NAALADL2: variants seen among roughly 807,000 people sequenced by gnomAD.
NAALADL2 encodes N-acetylated alpha-linked acidic dipeptidase like 2, also known as inactive N-acetylated-alpha-linked acidic dipeptidase-like protein 2.
In NAALADL2, 76 loss-of-function variants were observed where a neutral mutation model predicts 87.2. The ratio of observed to expected loss-of-function variants is 0.87; its 90% CI spans 0.72 to 1.05. The LOEUF is 1.05. Among genes scored for constraint, NAALADL2 ranks in the 50% least tolerant of loss-of-function variants. NAALADL2 has a pLI of 0.00. For synonymous variants in NAALADL2, 354 were observed against 331.0 expected (o/e 1.07, Z -0.75); for missense variants, 1,089 against 945.8 (o/e 1.15, Z -1.99).
rs564726167 is a variant in NAALADL2 at position 174,592,105 on chromosome 3, CTGAT to C, written c.-115+41472_-115+41475del. On this transcript the variant is annotated intron_variant, in intron 2 of 3. Coordinates refer to the NAALADL2 transcript ENST00000434257. Reference sequence around the variant, plus strand: ...TAGAACAATTCCCAAGGTAAACTGACTGATTGAGAGATGTTATTCAGTAATTTAT... The same window carrying C: ...TAGAACAATTCCCAAGGTAAACTGACTGAGAGATGTTATTCAGTAATTTAT... Among the ~76,000 whole-genome samples, 7 of 152,020 alleles carry C rather than the reference CTGAT, an allele frequency of 4.6e-5. No individual in the cohort carries two copies. In the East Asian group the frequency reaches 1.4e-3, roughly 29 times the overall value.
At chr3:175,573,998 T>C (rs552289202) in intron 9 of NAALADL2, among the ~76,000 whole-genome samples, 196 of 152,366 alleles carry the variant, frequency 1.3e-3, no homozygotes, top group Admixed American at 2.2e-3. Context: ...AGGTTCATAC[T>C]GGCTTTCCAT....
chr3:174,957,809 G>C (rs1050280857), intron 1 of NAALADL2, among the ~76,000 whole-genome samples: 2 of 152,060 alleles, frequency 1.3e-5, no homozygotes, highest in East Asian at 3.9e-4. Context: ...AAGAAGCTTT[G>C]AGGCTCAGTG....
At chr3:174,732,459 A>G (rs776951026) in intron 2 of NAALADL2, among the ~76,000 whole-genome samples, 1 of 152,152 alleles carries the variant, frequency 6.6e-6, no homozygotes, top group Non-Finnish European at 1.5e-5. Context: ...GTAGAAATCT[A>G]TGGAAATGTT....
In NAALADL2 at chr3:175,458,322, A is replaced by C. The variant is rs576071928; in HGVS notation, c.1235-5079A>C. Reference sequence around the variant, plus strand: ...CATTTGTATGTAAGTATATAAAAATATATCTATACACTCAGATTTATATCT... The same window carrying C: ...CATTTGTATGTAAGTATATAAAAATCTATCTATACACTCAGATTTATATCT... On this transcript the variant is annotated intron_variant, in intron 6 of 13. Transcript: ENST00000454872. Among the ~76,000 whole-genome samples the C allele has an allele frequency of 3.3e-3, 496 of 151,760 alleles. 3 individuals carry two copies. Among genetic ancestry groups the C allele is most frequent in the Non-Finnish European group, 4.9e-3 (330 of 67,874 alleles).
At chr3:175,523,245 G>A (rs1040431552) in intron 9 of NAALADL2, among the ~76,000 whole-genome samples, 13 of 152,212 alleles carry the variant, frequency 8.5e-5, no homozygotes, top group African/African-American at 2.7e-4. Context: ...GAACTGAGGA[G>A]TGGAAGTTAT....
At chr3:174,771,458 G>A (rs975807796) in intron 3 of NAALADL2, among the ~76,000 whole-genome samples, 6 of 152,148 alleles carry the variant, frequency 3.9e-5, no homozygotes, top group Non-Finnish European at 7.3e-5. Flanking sequence ...GATAGGGAGG[G>A]TAATGTGCTG....
chr3:175,332,459 C>T (rs1761512739), intron 5 of NAALADL2, among the ~76,000 whole-genome samples: 1 of 152,144 alleles, frequency 6.6e-6, no homozygotes, highest in Non-Finnish European at 1.5e-5. Context: ...TGCCACCATG[C>T]CTGGCTAATA....
intron 3 of NAALADL2, among the ~76,000 whole-genome samples, chr3:174,828,127 G>A (rs1470837619): frequency 6.6e-6 from 1 of 151,700 alleles, no homozygotes; most frequent in East Asian, 1.9e-4. Flanking sequence ...CTGCTCTCCA[G>A]TCTGGTGACA....
chr3:175,190,847 G>A lies in NAALADL2; in HGVS notation c.546-43084G>A, dbSNP rs113734070. ...AAAAAAATTAGCCGGGCGTGGTGGC[G>A]GGCGCCTGTAGTCCCAGCTACTCGG... On this transcript the variant is annotated intron_variant, in intron 2 of 13. Transcript: ENST00000454872. Among the ~76,000 whole-genome samples the A allele has an allele frequency of 7.3e-3, 1,113 of 151,806 alleles. 15 individuals are homozygous for A. The highest frequency in any genetic ancestry group is 0.024 in the African/African-American group (1,008 of 41,414).
At chr3:175,032,600 G>A (rs1320205706) in intron 1 of NAALADL2, among the ~76,000 whole-genome samples, 1 of 151,634 alleles carries the variant, frequency 6.6e-6, no homozygotes, top group South Asian at 2.1e-4. Context: ...TTTATGCTGT[G>A]CCTTTGCCTT....
chr3:175,043,087 C>T (rs1381664609), intron 1 of NAALADL2, among the ~76,000 whole-genome samples: 1 of 152,158 alleles, frequency 6.6e-6, no homozygotes, highest in African/African-American at 2.4e-5. Flanking sequence ...ACTTTCCAAC[C>T]ATCAGAATCA....
At chr3:175,757,374 C>T (rs185187000) in intron 13 of NAALADL2, among the ~76,000 whole-genome samples, 171 of 152,138 alleles carry the variant, frequency 1.1e-3, no homozygotes, top group African/African-American at 3.9e-3. Context: ...ATTTGGACCA[C>T]GTGAGGTTTA....
At position 174,936,916 on chromosome 3, in the gene NAALADL2, C is replaced by T. The variant is rs1002398702; in HGVS notation, c.43+77466C>T. Among the ~76,000 whole-genome samples the T allele has an allele frequency of 9.9e-5, 15 of 152,060 alleles. 2 individuals are homozygous for T. In the Middle Eastern group the frequency reaches 0.017, roughly 172 times the overall value. On this transcript the variant is annotated intron_variant, in intron 1 of 13. Coordinates refer to ENST00000454872, the MANE Select transcript of NAALADL2 (RefSeq NM_207015.3). ...AGATTTGTTGTCTTGATTATGGGGA[C>T]GATTTCGTGGGAGCACACATAAGCC...
intron 11 of NAALADL2, among the ~76,000 whole-genome samples, chr3:175,659,810 C>T (rs1731998183): frequency 6.6e-6 from 1 of 152,144 alleles, no homozygotes; most frequent in Non-Finnish European, 1.5e-5. Context: ...GACTTCTATA[C>T]ATATCATTTG....
intron 2 of NAALADL2, among the ~76,000 whole-genome samples, chr3:175,148,228 G>A (rs1731060138): frequency 6.6e-6 from 1 of 151,458 alleles, no homozygotes; most frequent in South Asian, 2.1e-4. Context: ...AAACATTTTT[G>A]TTGTCTGCTT....
intron 2 of NAALADL2, among the ~76,000 whole-genome samples, chr3:175,199,858 ATATATATTTTTTTTTTTTTTTTTTTTTT>A (rs1739709363): frequency 5.6e-5 from 1 of 17,700 alleles, no homozygotes; most frequent in African/African-American, 2.5e-4. Context: ...ATATATATAT[ATATATATTTTTTTTTTTTTTTTTTTTTT>A]TTTTTTCCTT....
chr3:174,887,862 CAT>C (rs1180462628), intron 1 of NAALADL2, among the ~76,000 whole-genome samples: 1 of 150,524 alleles, frequency 6.6e-6, no homozygotes, highest in Admixed American at 6.6e-5. Flanking sequence ...ATGAAAAATA[CAT>C]ATAATATTTC....
At chr3:174,490,082 C>T (rs2108348034) in intron 1 of NAALADL2, among the ~76,000 whole-genome samples, 1 of 152,140 alleles carries the variant, frequency 6.6e-6, no homozygotes, top group East Asian at 1.9e-4. Context: ...AACATATGTC[C>T]TCACAAAGTC....
intron 1 of NAALADL2, among the ~76,000 whole-genome samples, chr3:174,904,662 A>C (rs1157737152): frequency 6.6e-6 from 1 of 151,850 alleles, no homozygotes; most frequent in East Asian, 1.9e-4. Context: ...ACCAGAAAAC[A>C]TAAGTTTCAT....
Sources: gnomAD v4.1 joint callset for allele counts (sites outside exome capture counted in the v4.1 genomes callset) on GRCh38, gnomAD v4.1.1 for gene constraint, MANE v1.5 for transcripts, NCBI Gene and HGNC (gene_info 2026-07-23, HGNC 2026-07-21) for gene names.